Variants in PGK1 observed in about 807,000 individuals in gnomAD.
The protein encoded by PGK1 is phosphoglycerate kinase 1.
In PGK1, 3 loss-of-function variants were observed where a neutral mutation model predicts 26.9. The ratio of observed to expected loss-of-function variants is 0.11; its 90% CI spans 0.05 to 0.29. PGK1 has a LOEUF of 0.29. Among genes scored for constraint, PGK1 ranks in the 10% least tolerant of loss-of-function variants. The pLI is 1.00. For synonymous variants in PGK1, 125 were observed against 115.3 expected (o/e 1.08, Z -0.54); for missense variants, 270 against 314.7 (o/e 0.86, Z 1.07).
rs782752206 is a variant in PGK1 at position 78,105,097 on chromosome X, A to C, written c.65+692A>C. On this transcript the variant is annotated intron_variant, in intron 1 of 10. Transcript: ENST00000373316. ...GGTAGAGCAGGGTGTGGCTGCTCATACTTGCTGGCCTCCAATCTCATCCCC... is the reference window on the plus strand; with the variant it reads ...GGTAGAGCAGGGTGTGGCTGCTCATCCTTGCTGGCCTCCAATCTCATCCCC... Among the ~76,000 whole-genome samples the C allele has an allele frequency of 8.5e-4, 95 of 112,333 alleles. 1 individual carries two copies. The highest frequency in any genetic ancestry group is 3.1e-3 in the African/African-American group (95 of 30,916).
Position 78,126,014 on chromosome X carries a change from G to C in PGK1, c.*184G>C, listed in dbSNP as rs1223521490. 60 of 489,350 alleles carry C rather than the reference G, an allele frequency of 1.2e-4. No homozygotes were observed. Among genetic ancestry groups the C allele is most frequent in the Non-Finnish European group, 2.2e-4 (59 of 274,346 alleles). The allele number at this position is 489,350 out of a possible 1,213,427, so 40.3% of individuals were successfully genotyped here. A position where few individuals can be genotyped will look rare whatever the true frequency, so the allele number is the denominator to read the frequency against. Reference sequence around the variant, plus strand: ...CTCATCTTCACTGCACCCTGGATTTGCATACATTCTTCAAGATCCCATTTG... The same window carrying C: ...CTCATCTTCACTGCACCCTGGATTTCCATACATTCTTCAAGATCCCATTTG... On this transcript the variant is annotated 3_prime_UTR_variant, in exon 11 of 11. Transcript: ENST00000373316.
At position 78,125,372 on chromosome X, in the gene PGK1, A is replaced by T; in HGVS notation, c.1160A>T (p.Asp387Val). 8.3e-7 allele frequency: 1 copy of T among 1,209,140 alleles called. No individual in the cohort carries two copies. The highest frequency in any genetic ancestry group is 3.0e-5 in the East Asian group (1 of 33,817). ...ATCCAKWNTE[D>V]KVSHVSTGGG... ...TGCTGTGCCAAATGGAACACGGAGG[A>T]TAAAGTCAGCCATGTGAGCACTGGG... The change falls in exon 10 of 11, where the codon GAT (aspartate) becomes GTT (valine). Residue 387 changes from aspartate (D) to valine (V), a missense_variant. Transcript: ENST00000373316.
At chrX:78,107,627 T>C (rs1381451149) in intron 1 of PGK1, among the ~76,000 whole-genome samples, 20 of 112,490 alleles carry the variant, frequency 1.8e-4, no homozygotes, top group Non-Finnish European at 3.4e-4. Flanking sequence ...ATAGTTTGTT[T>C]AACTATCATT....
chrX:78,126,269 C>T lies in PGK1; in HGVS notation c.*439C>T, dbSNP rs1461089481. 2.3e-5 allele frequency: 3 copies of T among 132,943 alleles called. No homozygotes were observed. Among genetic ancestry groups the T allele is most frequent in the African/African-American group, 3.3e-5 (1 of 30,673 alleles). The allele number at this position is 132,943 out of a possible 1,213,427, so 11.0% of individuals were successfully genotyped here. On this transcript the variant is annotated 3_prime_UTR_variant, in exon 11 of 11. Coordinates refer to ENST00000373316, the MANE Select transcript of PGK1 (RefSeq NM_000291.4). The stretch of plus-strand genomic sequence containing the variant: ...AAACAATAAAAGTGTCCATTGAAAC[C>T]GTGATTTTTTTTTTTTTCCTGTCAT...
chrX:78,125,810 G>A lies in PGK1; in HGVS notation c.1234G>A (p.Asp412Asn), dbSNP rs782165735. The change falls in exon 11 of 11, where the codon GAT (aspartate) becomes AAT (asparagine). Residue 412 changes from aspartate to asparagine, a missense_variant. By Grantham distance (23) the Asp-to-Asn change is conservative (BLOSUM62 1). Transcript: ENST00000373316. ...LLEGKVLPGV[D>N]ALSNI The stretch of plus-strand genomic sequence containing the variant: ...AACAGGTAAAGTCCTTCCTGGGGTG[G>A]ATGCTCTCAGCAATATTTAGTACTT... 113 of 1,201,765 alleles carry A rather than the reference G, an allele frequency of 9.4e-5. No homozygotes were observed. In the Middle Eastern group the frequency reaches 1.2e-3, roughly 12 times the overall value.
At position 78,126,811 on chromosome X, in the gene PGK1, T is replaced by A. The variant is rs1303550187; in HGVS notation, c.*981T>A. The A allele has an allele frequency of 1.8e-5, 2 of 112,424 alleles. No individual in the cohort carries two copies. Among genetic ancestry groups the A allele is most frequent in the African/African-American group, 6.5e-5 (2 of 30,940 alleles). 9.3% of individuals were successfully genotyped at this position (112,424 alleles called of 1,213,427 possible). ...GCTGAGCTATGTAGTATGCTATGAT[T>A]AAATTTACTTATGTAACTTTTATTG... On this transcript the variant is annotated 3_prime_UTR_variant, in exon 11 of 11. Coordinates refer to ENST00000373316, the MANE Select transcript of PGK1 (RefSeq NM_000291.4).
At chrX:78,117,196 C>T (rs1557247535) in intron 4 of PGK1, 116 bp from the exon 5 acceptor site, 2 of 537,273 alleles carry the variant, frequency 3.7e-6, no homozygotes, top group South Asian at 2.5e-5. Context: ...TGTAAAAAAT[C>T]GCTGTCCCAC....
Position 78,127,775 on chromosome X carries a change from T to C in PGK1, c.*1945T>C, listed in dbSNP as rs969577099. 10 of 112,592 alleles carry C rather than the reference T, an allele frequency of 8.9e-5. No individual in the cohort carries two copies. Among genetic ancestry groups the C allele is most frequent in the African/African-American group, 3.2e-4 (10 of 31,015 alleles). 9.3% of individuals were successfully genotyped at this position (112,592 alleles called of 1,213,427 possible). On this transcript the variant is annotated 3_prime_UTR_variant, in exon 11 of 11. Transcript: ENST00000373316. Reference sequence around the variant, plus strand: ...GCTCAAGTTTTTTCTTCATTTGTATTTTAGTTAATACTGTACCCATATTTG... The same window carrying C: ...GCTCAAGTTTTTTCTTCATTTGTATCTTAGTTAATACTGTACCCATATTTG...
Position 78,123,326 on chromosome X carries a change from C to T in PGK1, c.888C>T (p.Ala296=), listed in dbSNP as rs782360656. 3 of 1,208,430 alleles carry T rather than the reference C, an allele frequency of 2.5e-6. No individual in the cohort carries two copies. The highest frequency in any genetic ancestry group is 3.4e-6 in the Non-Finnish European group (3 of 893,253). Residue 296 remains alanine, a synonymous_variant, in exon 8 of 11, where the codon GCC becomes GCT. Coordinates refer to ENST00000373316, the MANE Select transcript of PGK1 (RefSeq NM_000291.4). The part of the protein sequence containing the change: ...FVTADKFDEN[A]KTGQATVASG... ...CTGCTGACAAGTTTGATGAGAATGCCAAGACTGGCCAAGCCACTGTGGCTT... is the reference window on the plus strand; with the variant it reads ...CTGCTGACAAGTTTGATGAGAATGCTAAGACTGGCCAAGCCACTGTGGCTT...
chrX:78,113,721 T>C, intron 2 of PGK1, 23 bp from the exon 3 acceptor site: 1 of 1,201,181 alleles, frequency 8.3e-7, no homozygotes, highest in Non-Finnish European at 1.1e-6. Flanking sequence ...TTCATTCTGT[T>C]TGTTGTCTCT....
In PGK1 at chrX:78,106,594, C is replaced by A. The variant is rs782787396; in HGVS notation, c.65+2189C>A. Reference sequence around the variant, plus strand: ...GGCTGCCTCATTTGTCGTCTTTGTCCTGCAGAAGTGAACTATGGTATTTGC... The same window carrying A: ...GGCTGCCTCATTTGTCGTCTTTGTCATGCAGAAGTGAACTATGGTATTTGC... On this transcript the variant is annotated intron_variant, in intron 1 of 10. Transcript: ENST00000373316. The A allele has an allele frequency of 3.1e-4, 231 of 750,770 alleles. No individual in the cohort carries two copies. The African/African-American group carries it at 5.0e-3, about 16-fold the overall frequency. 61.9% of individuals were successfully genotyped at this position (750,770 alleles called of 1,213,427 possible). A position where few individuals can be genotyped will look rare whatever the true frequency, so the allele number is the denominator to read the frequency against.
intron 1 of PGK1, 148 bp downstream of exon 1, chrX:78,104,553 G>A: frequency 1.9e-6 from 1 of 531,656 alleles, no homozygotes; most frequent in South Asian, 2.6e-5. Context: ...GGCTGCTCAC[G>A]GGTTTGGTGG....
In PGK1 at chrX:78,128,115, TGTCA is replaced by T. The variant is rs1384901568; in HGVS notation, c.*2286_*2289del. On this transcript the variant is annotated 3_prime_UTR_variant, in exon 11 of 11. Coordinates refer to ENST00000373316, the MANE Select transcript of PGK1 (RefSeq NM_000291.4). ...GGGGAATCTCCAGTCATAAACAACT[TGTCA>T]ATTAGGCAAATATTTGAGTTCCTTC... 8.9e-6 allele frequency: 1 copy of T among 112,766 alleles called. No individual in the cohort carries two copies. The highest frequency in any genetic ancestry group is 1.9e-5 in the Non-Finnish European group (1 of 53,370). The allele number at this position is 112,766 out of a possible 1,213,427, so 9.3% of individuals were successfully genotyped here. A position where few individuals can be genotyped will look rare whatever the true frequency, so the allele number is the denominator to read the frequency against.
At chrX:78,120,418 A>ATGTG (rs781791924) in intron 6 of PGK1, among the ~76,000 whole-genome samples, 1 of 108,645 alleles carries the variant, frequency 9.2e-6, no homozygotes, top group African/African-American at 3.3e-5. Context: ...ATGTGTATAT[A>ATGTG]TGTGTGTGTG....
Position 78,127,001 on chromosome X carries a change from T to C in PGK1, c.*1171T>C, listed in dbSNP as rs2078386503. 8.9e-6 allele frequency: 1 copy of C among 112,969 alleles called. No individual in the cohort carries two copies. The highest frequency in any genetic ancestry group is 9.3e-5 in the Admixed American group (1 of 10,711). 9.3% of individuals were successfully genotyped at this position (112,969 alleles called of 1,213,427 possible). On this transcript the variant is annotated 3_prime_UTR_variant, in exon 11 of 11. Coordinates refer to ENST00000373316, the MANE Select transcript of PGK1 (RefSeq NM_000291.4). ...CCTTAGTGCTCCTTTATCCAATTTG[T>C]ACTTGATGCCCTCTAGGCAGGGTGT...
chrX:78,118,415 T>C (rs1161315613), intron 6 of PGK1, among the ~76,000 whole-genome samples: 1 of 109,262 alleles, frequency 9.2e-6, no homozygotes, highest in Admixed American at 9.8e-5. Flanking sequence ...AGATCTCATG[T>C]CTACAAAAAA....
At chrX:78,117,251 G>A in intron 4 of PGK1, 61 bp from the exon 5 acceptor site, 3 of 810,077 alleles carry the variant, frequency 3.7e-6, no homozygotes, top group Non-Finnish European at 5.7e-6. Flanking sequence ...CTTGGTGTAT[G>A]AAATGCTTTT....
At chrX:78,105,089 C>T (rs2078264603) in intron 1 of PGK1, among the ~76,000 whole-genome samples, 1 of 112,299 alleles carries the variant, frequency 8.9e-6, no homozygotes, top group Admixed American at 9.4e-5. Context: ...CAGGGTGTGG[C>T]TGCTCATACT....
In PGK1 at chrX:78,104,260, G is replaced by A. The variant is rs1481897326; in HGVS notation, c.-81G>A. ...CTGCCCGCGCGGTGTTCCGCATTCT[G>A]CAAGCCTCCGGAGCGCACGTCGGCA... is the stretch of plus-strand genomic sequence containing the variant. On this transcript the variant is annotated 5_prime_UTR_variant, in exon 1 of 11. Transcript: ENST00000373316. 1.3e-6 allele frequency: 1 copy of A among 748,880 alleles called. No individual in the cohort carries two copies. Among genetic ancestry groups the A allele is most frequent in the Admixed American group, 2.4e-5 (1 of 42,413 alleles). 61.7% of individuals were successfully genotyped at this position (748,880 alleles called of 1,213,427 possible). A position where few individuals can be genotyped will look rare whatever the true frequency, so the allele number is the denominator to read the frequency against.
Sources: allele counts gnomAD v4.1 joint callset (sites outside exome capture counted in the v4.1 genomes callset), GRCh38; gene constraint gnomAD v4.1.1; transcripts MANE v1.5; gene names NCBI Gene and HGNC (gene_info 2026-07-23, HGNC 2026-07-21).